CDH12: variants seen among roughly 807,000 people sequenced by gnomAD.
CDH12 encodes cadherin 12.
In CDH12, 41 loss-of-function variants were observed where a neutral mutation model predicts 74.1. That is an observed-to-expected ratio of 0.55 (90% CI 0.43 to 0.72). CDH12 has a LOEUF of 0.72. CDH12 is among the 30% of genes least tolerant of loss of function. CDH12 has a pLI of 0.00. For missense variants in CDH12, 945 were observed against 977.2 expected, an observed-to-expected ratio of 0.97 and a Z score of 0.44; for synonymous variants, 399 against 355.0, an observed-to-expected ratio of 1.12 and a Z score of -1.39.
chr5:22,812,261 T>C (rs1474336241), intron 1 of CDH12, among the ~76,000 whole-genome samples: 1 of 152,234 alleles, frequency 6.6e-6, no homozygotes, highest in East Asian at 1.9e-4. Context: ...GGTGCTAGTA[T>C]AAGGATTAAG....
intron 1 of CDH12, among the ~76,000 whole-genome samples, chr5:22,812,947 C>T (rs1749220547): frequency 6.6e-6 from 1 of 152,054 alleles, no homozygotes; most frequent in African/African-American, 2.4e-5. Flanking sequence ...GAAATGATCG[C>T]TGAGATCAAG....
At chr5:22,387,439 C>A (rs921609760) in intron 3 of CDH12, among the ~76,000 whole-genome samples, 7 of 152,074 alleles carry the variant, frequency 4.6e-5, no homozygotes, top group African/African-American at 1.7e-4. Context: ...CTCCTGGTGT[C>A]TTTTAGACCA....
intron 11 of CDH12, among the ~76,000 whole-genome samples, chr5:21,773,920 T>TGGTTGTAAGAA (rs1372795394): frequency 6.6e-6 from 1 of 152,204 alleles, no homozygotes; most frequent in Admixed American, 6.5e-5. Context: ...AGTGTGCTTC[T>TGGTTGTAAGAA]GGTTGTAAGA....
rs576121611 is a variant in CDH12 at position 22,253,807 on chromosome 5, T to C, written c.-332-41164A>G. Among the ~76,000 whole-genome samples the C allele has an allele frequency of 2.6e-5, 4 of 152,004 alleles. No individual in the cohort carries two copies. The East Asian group carries it at 7.7e-4, about 29-fold the overall frequency. On this transcript the variant is annotated intron_variant, in intron 3 of 14. Coordinates refer to ENST00000382254, the MANE Select transcript of CDH12 (RefSeq NM_004061.5). Reference sequence around the variant, plus strand: ...TCTTCCTCTTTCTTTTGTATTCTTATACTATGCTCTCTTGATGAATGGAAG... The same window carrying C: ...TCTTCCTCTTTCTTTTGTATTCTTACACTATGCTCTCTTGATGAATGGAAG...
chr5:22,220,595 A>C (rs1751979435), intron 3 of CDH12, among the ~76,000 whole-genome samples: 1 of 92,708 alleles, frequency 1.1e-5, no homozygotes, highest in East Asian at 2.8e-4. Context: ...TGTAAGCTTG[A>C]GAAAGGGATA....
chr5:22,382,950 C>A (rs565787655), intron 3 of CDH12, among the ~76,000 whole-genome samples: 81 of 152,222 alleles, frequency 5.3e-4, no homozygotes, highest in Non-Finnish European at 8.7e-4. Flanking sequence ...CCTGCCTCAG[C>A]CTTCTGAGTA....
At chr5:22,080,299 T>C (rs1482361380) in intron 4 of CDH12, among the ~76,000 whole-genome samples, 4 of 152,156 alleles carry the variant, frequency 2.6e-5, no homozygotes, top group African/African-American at 4.8e-5. Context: ...TTTATAAATA[T>C]TGAAATTTAA....
intron 1 of CDH12, among the ~76,000 whole-genome samples, chr5:22,590,023 A>G (rs1195895866): frequency 6.6e-6 from 1 of 152,180 alleles, no homozygotes; most frequent in Non-Finnish European, 1.5e-5. Flanking sequence ...GATATATGGG[A>G]GCCTGAGGTT....
chr5:22,749,722 C>A (rs1196413385), intron 1 of CDH12, among the ~76,000 whole-genome samples: 4 of 152,090 alleles, frequency 2.6e-5, no homozygotes, highest in Non-Finnish European at 4.4e-5. Flanking sequence ...TCAGAGAAGG[C>A]AAAATTGATT....
In CDH12 at chr5:22,129,847, CTAAT is replaced by C. The variant is rs753236584; in HGVS notation, c.-186-50989_-186-50986del. On this transcript the variant is annotated intron_variant, in intron 4 of 14. Coordinates refer to ENST00000382254, the MANE Select transcript of CDH12 (RefSeq NM_004061.5). ...TAGGGCATAATTATAATCACTAAGACTAATTATCAATATAAACTTTTGCCAGAAT... is the reference window on the plus strand; with the variant it reads ...TAGGGCATAATTATAATCACTAAGACTATCAATATAAACTTTTGCCAGAAT... 8.6e-5 allele frequency among the ~76,000 whole-genome samples: 13 copies of C among 151,880 alleles called. 1 individual carries two copies. Among genetic ancestry groups the C allele is most frequent in the Admixed American group, 7.2e-4 (11 of 15,220 alleles).
At chr5:21,852,111 T>C (rs1298668824) in intron 7 of CDH12, among the ~76,000 whole-genome samples, 1 of 151,444 alleles carries the variant, frequency 6.6e-6, no homozygotes, top group Non-Finnish European at 1.5e-5. Flanking sequence ...TTTGATTTAC[T>C]CTTATCTACC....
At chr5:21,860,533 G>T (rs936595275) in intron 6 of CDH12, among the ~76,000 whole-genome samples, 1 of 151,968 alleles carries the variant, frequency 6.6e-6, no homozygotes, top group Admixed American at 6.6e-5. Flanking sequence ...TGCCAAAGGA[G>T]ATTAACATTT....
chr5:21,874,503 C>T (rs1389703930), intron 6 of CDH12, among the ~76,000 whole-genome samples: 5 of 152,288 alleles, frequency 3.3e-5, no homozygotes, highest in South Asian at 2.1e-4. Context: ...AATCATCTAT[C>T]GCCTAAAAGC....
rs192848615 is a variant in CDH12 at position 22,092,757 on chromosome 5, A to G, written c.-186-13895T>C. Among the ~76,000 whole-genome samples the G allele has an allele frequency of 3.9e-3, 590 of 152,262 alleles. 2 individuals are homozygous for G. The highest frequency in any genetic ancestry group is 5.7e-3 in the Non-Finnish European group (391 of 68,028). On this transcript the variant is annotated intron_variant, in intron 4 of 14. Coordinates refer to ENST00000382254, the MANE Select transcript of CDH12 (RefSeq NM_004061.5). ...AATTTCACTCTTAGGTATCTACCTA[A>G]GAGAAAATGGAAAAGACTCATCCAC...
chr5:21,930,212 G>C (rs1207315909), intron 6 of CDH12, among the ~76,000 whole-genome samples: 2 of 152,102 alleles, frequency 1.3e-5, no homozygotes, highest in African/African-American at 4.8e-5. Context: ...GCAAGAAAGA[G>C]GGTCTTGAAA....
chr5:22,117,817 G>GA (rs5866549), intron 4 of CDH12, among the ~76,000 whole-genome samples: 73,046 of 150,258 alleles, frequency 0.49, 18,059 homozygotes, highest in African/African-American at 0.53. Context: ...TATCCTATGT[G>GA]AAAAAAATGT....
chr5:21,936,068 T>A (rs368223832), intron 6 of CDH12, among the ~76,000 whole-genome samples: 1 of 152,184 alleles, frequency 6.6e-6, no homozygotes, highest in African/African-American at 2.4e-5. Flanking sequence ...AGTGCAGATA[T>A]CTCTCTGATA....
At chr5:22,807,811 T>C (rs536436357) in intron 1 of CDH12, among the ~76,000 whole-genome samples, 1 of 151,528 alleles carries the variant, frequency 6.6e-6, no homozygotes, top group South Asian at 2.1e-4. Context: ...TGAATGGAGC[T>C]TGCAGTTCCT....
chr5:21,853,757 T>A (rs1750600976), intron 7 of CDH12, among the ~76,000 whole-genome samples: 1 of 151,738 alleles, frequency 6.6e-6, no homozygotes, highest in South Asian at 2.1e-4. Flanking sequence ...TGCATGTTGG[T>A]ATTTAAAAAT....
Sources: gnomAD v4.1 joint callset for allele counts (sites outside exome capture counted in the v4.1 genomes callset) on GRCh38, gnomAD v4.1.1 for gene constraint, MANE v1.5 for transcripts, NCBI Gene and HGNC (gene_info 2026-07-23, HGNC 2026-07-21) for gene names.